The following SPTAN1 variants were observed in gnomAD, a reference collection of about 807,000 sequenced individuals.
The protein encoded by SPTAN1 is spectrin alpha chain, non-erythrocytic 1.
SPTAN1 carries 61 observed loss-of-function variants against 331.3 expected under a neutral mutation model. The ratio of observed to expected loss-of-function variants is 0.18; its 90% CI spans 0.15 to 0.23. SPTAN1 has a LOEUF of 0.23. Ranked by LOEUF, SPTAN1 falls within the 10% of genes least tolerant of loss-of-function variation. The pLI is 1.00. For synonymous variants in SPTAN1, 1,153 were observed against 1,173.9 expected (o/e 0.98, Z 0.36); for missense variants, 2,043 against 3,147.9 (o/e 0.65, Z 8.40).
intron 26 of SPTAN1, chr9:128,599,227 C>A: frequency 2.0e-6 from 1 of 507,200 alleles, no homozygotes. Context: ...CTCCACCTCC[C>A]AGGTTCAAGC....
chr9:128,575,790 C>A (rs1851236403), intron 5 of SPTAN1, among the ~76,000 whole-genome samples: 1 of 152,170 alleles, frequency 6.6e-6, no homozygotes. Context: ...ATAGGCTCTC[C>A]ACTCTGGCGC....
In SPTAN1 at chr9:128,582,673, CAG is replaced by C; in HGVS notation, c.1651-20_1651-19del. On this transcript the variant is annotated intron_variant, in intron 13 of 56. Coordinates refer to ENST00000372739, the MANE Select transcript of SPTAN1 (RefSeq NM_001130438.3). ...TTTGGGAGTGAACACTAGAGACTCA[CAG>C]GGGATCCTTGTCTTTCAGCTGTTGA... The C allele has an allele frequency of 1.2e-6, 2 of 1,612,272 alleles. No individual in the cohort carries two copies. Among genetic ancestry groups the C allele is most frequent in the South Asian group, 2.2e-5 (2 of 91,080 alleles).
chr9:128,608,965 A>C lies in SPTAN1; in HGVS notation c.4583A>C (p.Glu1528Ala). The change falls in exon 35 of 57, where the codon GAG becomes GCG. Residue 1528 changes from glutamate (E) to alanine (A), a missense_variant. This residue lies in a region of SPTAN1 where 40 missense variants were observed against 32.6 expected (regional missense o/e 1.23). Transcript: ENST00000372739. Reference sequence around the variant, plus strand: ...GGAGACATTTCTAGCCGGCGCAATGAGGTCTTGGACAGGTGGGTGTCCTGT... The same window carrying C: ...GGAGACATTTCTAGCCGGCGCAATGCGGTCTTGGACAGGTGGGTGTCCTGT... ...AKGDISSRRN[E>A]VLDRWRRLKA... 1 of 1,614,224 alleles carries C rather than the reference A, an allele frequency of 6.2e-7. No homozygotes were observed.
rs142234188 is a variant in SPTAN1 at position 128,617,751 on chromosome 9, G to A, written c.5469G>A (p.Pro1823=). The part of the protein sequence containing the change: ...RLEAELAAHE[P]AIQGVLDTGK... ...AAGCAGAACTGGCTGCGCATGAGCCGGCTATTCAGGTAAGGAGGCCGCCTT... is the reference window on the plus strand; with the variant it reads ...AAGCAGAACTGGCTGCGCATGAGCCAGCTATTCAGGTAAGGAGGCCGCCTT... The change falls in exon 42 of 57, where the codon CCG becomes CCA. Residue 1823 remains proline, a synonymous_variant. Transcript: ENST00000372739. The A allele has an allele frequency of 3.7e-5, 59 of 1,613,878 alleles. No homozygotes were observed. Among genetic ancestry groups the A allele is most frequent in the Middle Eastern group, 1.7e-4 (1 of 6,050 alleles).
chr9:128,571,420 A>G (rs1850717706), intron 3 of SPTAN1, among the ~76,000 whole-genome samples: 1 of 152,022 alleles, frequency 6.6e-6, no homozygotes, highest in Admixed American at 6.6e-5. Flanking sequence ...CCCCGTTTCT[A>G]CCAAAATACA....
In SPTAN1 at chr9:128,605,495, C is replaced by G; in HGVS notation, c.4046+18C>G. The G allele has an allele frequency of 6.2e-7, 1 of 1,613,972 alleles. No homozygotes were observed. The highest frequency in any genetic ancestry group is 8.5e-7 in the Non-Finnish European group (1 of 1,179,902). ...GATTTCCGGTACGGAGCCATGTTCA[C>G]TCAGACTTCTGGAACATAGAGCCTT... On this transcript the variant is annotated intron_variant, in intron 31 of 56. Transcript: ENST00000372739.
At position 128,633,508 on chromosome 9, in the gene SPTAN1, T is replaced by C. The variant is rs770483554; in HGVS notation, c.*174T>C. Reference sequence around the variant, plus strand: ...GCTTCCGGTCCAGTCACAATCATCATGTCACTGTGGGGACCCAGATCTGTG... The same window carrying C: ...GCTTCCGGTCCAGTCACAATCATCACGTCACTGTGGGGACCCAGATCTGTG... On this transcript the variant is annotated 3_prime_UTR_variant, in exon 57 of 57. Transcript: ENST00000372739. 4 of 1,209,454 alleles carry C rather than the reference T, an allele frequency of 3.3e-6. No individual in the cohort carries two copies. The South Asian group carries it at 3.9e-5, about 12-fold the overall frequency. The allele number at this position is 1,209,454 out of a possible 1,614,324, so 74.9% of individuals were successfully genotyped here. A position where few individuals can be genotyped will look rare whatever the true frequency, so the allele number is the denominator to read the frequency against.
chr9:128,555,279 GTTTTCT>G (rs1237103021), intron 1 of SPTAN1: 1 of 1,087,482 alleles, frequency 9.2e-7, no homozygotes, highest in African/African-American at 1.6e-5. Context: ...TAAATAATCT[GTTTTCT>G]TCATGATTTT....
At chr9:128,617,845 T>C (rs1293343192) in intron 42 of SPTAN1, 85 bp downstream of exon 42, 7 of 1,611,526 alleles carry the variant, frequency 4.3e-6, no homozygotes, top group African/African-American at 1.3e-5. Flanking sequence ...CTTATTTCAC[T>C]GAGGTCCCTA....
chr9:128,613,511 C>G (rs777891526), intron 40 of SPTAN1, 26 bp downstream of exon 40: 1 of 1,586,170 alleles, frequency 6.3e-7, no homozygotes, highest in South Asian at 1.1e-5. Context: ...CGGGCCAGGC[C>G]CGAGTGCCTG....
intron 20 of SPTAN1, 140 bp downstream of exon 20, chr9:128,587,838 GATTTATTT>G (rs573630377): frequency 2.3e-5 from 16 of 691,884 alleles, no homozygotes; most frequent in African/African-American, 9.1e-5. Flanking sequence ...TTTAAAATAA[GATTTATTT>G]ATTTATTTAT....
At chr9:128,582,904 T>C (rs1274448746) in intron 14 of SPTAN1, 55 bp downstream of exon 14, 2 of 1,606,868 alleles carry the variant, frequency 1.2e-6, no homozygotes, top group Non-Finnish European at 1.7e-6. Flanking sequence ...TAAACACAGC[T>C]CTCACAAATA....
At chr9:128,623,747 T>A (rs1858278048) in intron 45 of SPTAN1, among the ~76,000 whole-genome samples, 2 of 151,804 alleles carry the variant, frequency 1.3e-5, no homozygotes, top group Admixed American at 1.3e-4. Flanking sequence ...GTGCTAGGAT[T>A]ACAGGCGTTA....
chr9:128,622,406 G>C (rs1335901677), intron 45 of SPTAN1, among the ~76,000 whole-genome samples: 1 of 148,210 alleles, frequency 6.7e-6, no homozygotes, highest in Non-Finnish European at 1.5e-5. Context: ...TTGAAACGAT[G>C]CTTCTGCCTC....
rs1232409805 is a variant in SPTAN1 at position 128,627,359 on chromosome 9, C to T, written c.6577-27C>T. On this transcript the variant is annotated intron_variant, in intron 49 of 56. Coordinates refer to ENST00000372739, the MANE Select transcript of SPTAN1 (RefSeq NM_001130438.3). The surrounding 1 kb of genome is among the most constrained non-coding windows in gnomAD (Gnocchi z 4.9). Reference sequence around the variant, plus strand: ...CTGGTGTCACTGCCACAGCAGCGCACAGCATCTGCCCCCCTTTGGCCCTCA... The same window carrying T: ...CTGGTGTCACTGCCACAGCAGCGCATAGCATCTGCCCCCCTTTGGCCCTCA... 3.2e-6 allele frequency: 5 copies of T among 1,540,508 alleles called. 1 individual carries two copies. The South Asian group carries it at 3.6e-5, about 11-fold the overall frequency.
intron 1 of SPTAN1, among the ~76,000 whole-genome samples, chr9:128,557,670 A>G (rs1312495057): frequency 6.6e-6 from 1 of 152,026 alleles, no homozygotes; most frequent in Non-Finnish European, 1.5e-5. Flanking sequence ...GTTCATCAAT[A>G]AGACAAAGAT....
chr9:128,585,407 A>G lies in SPTAN1; in HGVS notation c.2561-341A>G, dbSNP rs79846056. On this transcript the variant is annotated intron_variant, in intron 18 of 56. Transcript: ENST00000372739. Reference sequence around the variant, plus strand: ...CTGTAGTGGGGAGTAAGTGAAACCAAGTAGGAAAAGAGCTGATAGAGTGCC... The same window carrying G: ...CTGTAGTGGGGAGTAAGTGAAACCAGGTAGGAAAAGAGCTGATAGAGTGCC... 2.8e-3 allele frequency among the ~76,000 whole-genome samples: 425 copies of G among 152,194 alleles called. 10 individuals carry two copies. The East Asian group carries it at 0.04, about 14-fold the overall frequency.
In SPTAN1 at chr9:128,633,305, G is replaced by A; in HGVS notation, c.7405G>A (p.Glu2469Lys). 3 of 1,613,988 alleles carry A rather than the reference G, an allele frequency of 1.9e-6. No individual in the cohort carries two copies. The highest frequency in any genetic ancestry group is 2.5e-6 in the Non-Finnish European group (3 of 1,180,038). The change falls in exon 57 of 57, where the codon GAG (glutamate) becomes AAG (lysine). Residue 2469 changes from glutamate to lysine, a missense_variant. By Grantham distance (56) the Glu-to-Lys change is moderately conservative. Around this residue, in one of 12 missense-constraint regions of SPTAN1, gnomAD observed 88 missense variants for 96.5 expected, o/e 0.91. Transcript: ENST00000372739. ...RELPTAFDYV[E>K]FTRSLFVN Reference sequence around the variant, plus strand: ...GCTCCCCACCGCGTTCGACTACGTGGAGTTCACCCGCTCGCTTTTCGTGAA... The same window carrying A: ...GCTCCCCACCGCGTTCGACTACGTGAAGTTCACCCGCTCGCTTTTCGTGAA...
chr9:128,611,103 A>G (rs999618307), intron 37 of SPTAN1, among the ~76,000 whole-genome samples: 1 of 152,246 alleles, frequency 6.6e-6, no homozygotes, highest in African/African-American at 2.4e-5. Flanking sequence ...GGCCATTGCC[A>G]TCTTCTGGAA....
Sources: gnomAD v4.1 joint callset for allele counts (sites outside exome capture counted in the v4.1 genomes callset) on GRCh38, gnomAD v4.1.1 for gene constraint, gnomAD v4.1.1 regional missense constraint, Gnocchi (gnomAD v3.1) non-coding constraint, MANE v1.5 for transcripts, NCBI Gene and HGNC (gene_info 2026-07-23, HGNC 2026-07-21) for gene names.